The following FOXP1 variants were observed in gnomAD, a reference collection of about 807,000 sequenced individuals.
The protein encoded by FOXP1 is forkhead box protein P1.
A neutral mutation model predicts 98.2 loss-of-function variants in FOXP1; 15 were observed. The ratio of observed to expected loss-of-function variants is 0.15; its 90% CI spans 0.10 to 0.24. The LOEUF is 0.24. FOXP1 is among the 10% of genes least tolerant of loss of function. The pLI, the probability that FOXP1 is intolerant of heterozygous loss-of-function variation, is 1.00. For synonymous variants in FOXP1, 371 were observed against 314.5 expected, an observed-to-expected ratio of 1.18 and a Z score of -1.90; for missense variants, 633 against 848.5, an observed-to-expected ratio of 0.75 and a Z score of 3.15.
intron 6 of FOXP1, among the ~76,000 whole-genome samples, chr3:71,135,441 C>A (rs1024391956): frequency 6.6e-6 from 1 of 151,984 alleles, no homozygotes. Flanking sequence ...GCCCCTACCC[C>A]CTACTCCCAA....
At chr3:71,283,726 G>GT (rs1386831273) in intron 5 of FOXP1, among the ~76,000 whole-genome samples, 1 of 152,066 alleles carries the variant, frequency 6.6e-6, no homozygotes, top group Non-Finnish European at 1.5e-5. Context: ...GAGCCTTTTG[G>GT]TTTTTTTATG....
chr3:71,098,252 T>C (rs768357192), intron 7 of FOXP1, among the ~76,000 whole-genome samples: 5 of 152,236 alleles, frequency 3.3e-5, no homozygotes, highest in African/African-American at 4.8e-5. Flanking sequence ...CTATGCTTCA[T>C]TGAACGTAAT....
intron 2 of FOXP1, among the ~76,000 whole-genome samples, chr3:71,532,622 C>T (rs894152675): frequency 6.6e-6 from 1 of 152,170 alleles, no homozygotes; most frequent in Non-Finnish European, 1.5e-5. Flanking sequence ...ACAGTGTTGG[C>T]AAGATCTCCT....
At chr3:71,233,519 G>A (rs561369904) in intron 5 of FOXP1, among the ~76,000 whole-genome samples, 20 of 151,752 alleles carry the variant, frequency 1.3e-4, no homozygotes, top group Admixed American at 6.6e-4. Flanking sequence ...CGCTGCCTCC[G>A]GGGTTCAAGA....
At chr3:71,381,926 T>C (rs551001044) in intron 3 of FOXP1, among the ~76,000 whole-genome samples, 2 of 152,310 alleles carry the variant, frequency 1.3e-5, no homozygotes, top group South Asian at 2.1e-4. Flanking sequence ...GCCAAGGAAA[T>C]TGACATTTGA....
At chr3:71,240,070 T>G (rs886389737) in intron 5 of FOXP1, among the ~76,000 whole-genome samples, 1 of 152,214 alleles carries the variant, frequency 6.6e-6, no homozygotes, top group African/African-American at 2.4e-5. Flanking sequence ...TCCCAAGAAA[T>G]GAGAATGGAG....
At chr3:71,218,944 T>A (rs1326263379) in intron 5 of FOXP1, among the ~76,000 whole-genome samples, 1 of 152,192 alleles carries the variant, frequency 6.6e-6, no homozygotes, top group Admixed American at 6.5e-5. Flanking sequence ...CCACTTCCAC[T>A]TTGATGTCCT....
At chr3:71,172,495 C>T (rs1297733953) in intron 6 of FOXP1, among the ~76,000 whole-genome samples, 2 of 152,132 alleles carry the variant, frequency 1.3e-5, no homozygotes, top group Non-Finnish European at 2.9e-5. Flanking sequence ...GGCATTTTGA[C>T]CTATAACACT....
chr3:71,464,911 T>C (rs939714379), intron 3 of FOXP1, among the ~76,000 whole-genome samples: 19 of 152,202 alleles, frequency 1.2e-4, no homozygotes, highest in African/African-American at 4.6e-4. Context: ...ACTTGACATC[T>C]AACCCTTAGT....
intron 3 of FOXP1, among the ~76,000 whole-genome samples, chr3:71,387,781 A>T (rs1053420608): frequency 1.3e-5 from 2 of 152,340 alleles, no homozygotes; most frequent in East Asian, 3.9e-4. Context: ...CATGACACAA[A>T]CAAAGTCGTT....
chr3:71,445,041 GCAATAGCAAGTACTTCTGGAGT>G (rs1243308304), intron 3 of FOXP1, among the ~76,000 whole-genome samples: 1 of 152,184 alleles, frequency 6.6e-6, no homozygotes, highest in Non-Finnish European at 1.5e-5. Flanking sequence ...TTCAATAACA[GCAATAGCAAGTACTTCTGGAGT>G]GCAGACCACG....
intron 3 of FOXP1, among the ~76,000 whole-genome samples, chr3:71,375,924 T>G (rs2079680169): frequency 6.6e-6 from 1 of 152,178 alleles, no homozygotes; most frequent in Non-Finnish European, 1.5e-5. Context: ...CAAAAGAGGC[T>G]AACTCTATAG....
Position 71,251,729 on chromosome 3 carries a change from T to C in FOXP1, c.-12+48091A>G, listed in dbSNP as rs1440694245. 2.0e-5 allele frequency among the ~76,000 whole-genome samples: 3 copies of C among 152,226 alleles called. No individual in the cohort carries two copies. In the East Asian group the frequency reaches 5.8e-4, roughly 29 times the overall value. ...AAGTGCGTTGGAGTTACCCACACTG[T>C]CTTGATACCAAGAAATTTTAGCTTT... On this transcript the variant is annotated intron_variant, in intron 5 of 20. Transcript: ENST00000649528.
At chr3:71,152,603 G>A (rs1449198078) in intron 6 of FOXP1, among the ~76,000 whole-genome samples, 1 of 152,102 alleles carries the variant, frequency 6.6e-6, no homozygotes, top group Non-Finnish European at 1.5e-5. Flanking sequence ...ACACAGACCT[G>A]CTCCTGTGCC....
At chr3:71,106,768 T>C (rs2057471017) in intron 7 of FOXP1, among the ~76,000 whole-genome samples, 4 of 92,316 alleles carry the variant, frequency 4.3e-5, no homozygotes, top group Admixed American at 3.2e-4. Flanking sequence ...CTGGTTCAAA[T>C]AGGGATTTTT....
chr3:71,372,021 T>C (rs911273980), intron 3 of FOXP1, among the ~76,000 whole-genome samples: 69 of 151,926 alleles, frequency 4.5e-4, no homozygotes, highest in African/African-American at 1.6e-3. Flanking sequence ...TTCTTTCTTT[T>C]TTTTTTTTTG....
chr3:71,283,883 A>G (rs1388158754), intron 5 of FOXP1, among the ~76,000 whole-genome samples: 1 of 152,152 alleles, frequency 6.6e-6, no homozygotes, highest in Non-Finnish European at 1.5e-5. Context: ...TACAAGGGCC[A>G]CTGGTATAGT....
intron 11 of FOXP1, among the ~76,000 whole-genome samples, chr3:71,016,748 A>G (rs939228784): frequency 6.6e-6 from 1 of 152,056 alleles, no homozygotes; most frequent in Non-Finnish European, 1.5e-5. Flanking sequence ...ATGTATATTC[A>G]TGTATTTTAT....
At chr3:71,210,296 G>GT (rs1336921470) in intron 5 of FOXP1, among the ~76,000 whole-genome samples, 1 of 152,170 alleles carries the variant, frequency 6.6e-6, no homozygotes, top group East Asian at 1.9e-4. Flanking sequence ...AAGTCACAAA[G>GT]TAACTAGTGT....
Sources: gnomAD v4.1 joint callset for allele counts (sites outside exome capture counted in the v4.1 genomes callset) on GRCh38, gnomAD v4.1.1 for gene constraint, MANE v1.5 for transcripts, NCBI Gene and HGNC (gene_info 2026-07-23, HGNC 2026-07-21) for gene names.